Variants in B3GAT2 observed in about 807,000 individuals in gnomAD.
B3GAT2 encodes the protein beta-1,3-glucuronyltransferase 2.
B3GAT2 carries 26 observed loss-of-function variants against 27.8 expected under a neutral mutation model. That is an observed-to-expected ratio of 0.93 (90% CI 0.68 to 1.30). B3GAT2 has a LOEUF of 1.30. Among genes scored for constraint, B3GAT2 ranks in the 50% most tolerant of loss-of-function variants. The pLI is 0.00. For synonymous variants in B3GAT2, 218 were observed against 195.1 expected (o/e 1.12, Z -0.98); for missense variants, 458 against 459.0 (o/e 1.00, Z 0.02).
At chr6:70,936,302 T>C (rs1765279859) in intron 1 of B3GAT2, among the ~76,000 whole-genome samples, 2 of 151,942 alleles carry the variant, frequency 1.3e-5, no homozygotes, top group Admixed American at 1.3e-4. Context: ...ACAATAATAA[T>C]GGGAGACTTT....
At chr6:70,878,677 T>C (rs1179942551) in intron 2 of B3GAT2, among the ~76,000 whole-genome samples, 3 of 152,104 alleles carry the variant, frequency 2.0e-5, no homozygotes, top group African/African-American at 7.2e-5. Context: ...TTTTTTGCTT[T>C]TTTCCCTTCT....
At chr6:70,934,062 G>GA (rs1773101881) in intron 1 of B3GAT2, among the ~76,000 whole-genome samples, 1 of 152,052 alleles carries the variant, frequency 6.6e-6, no homozygotes, top group Admixed American at 6.5e-5. Context: ...AGTAAAAAAT[G>GA]AAAAAAGCAC....
intron 1 of B3GAT2, among the ~76,000 whole-genome samples, chr6:70,910,019 G>A (rs1341276638): frequency 1.3e-5 from 2 of 150,128 alleles, no homozygotes; most frequent in Non-Finnish European, 3.0e-5. Flanking sequence ...GACTGCAAAA[G>A]CCCACCACCA....
intron 1 of B3GAT2, among the ~76,000 whole-genome samples, chr6:70,902,752 A>G (rs1772528158): frequency 6.6e-6 from 1 of 151,884 alleles, no homozygotes. Flanking sequence ...ACATAAAAAA[A>G]CTGGGAAGAC....
intron 2 of B3GAT2, among the ~76,000 whole-genome samples, chr6:70,887,866 G>A (rs1029090327): frequency 1.3e-5 from 2 of 152,194 alleles, no homozygotes; most frequent in Non-Finnish European, 2.9e-5. Context: ...AGGGTAGAAT[G>A]TGCTGGAGGA....
At chr6:70,953,951 T>C (rs1481578804) in intron 1 of B3GAT2, among the ~76,000 whole-genome samples, 1 of 152,236 alleles carries the variant, frequency 6.6e-6, no homozygotes, top group Non-Finnish European at 1.5e-5. Context: ...GGCTGTGTCC[T>C]GAATCATTTC....
Position 70,936,972 on chromosome 6 carries a change from A to T in B3GAT2, c.591+18867T>A, listed in dbSNP as rs1424216985. 7.8e-3 allele frequency among the ~76,000 whole-genome samples: 1,185 copies of T among 151,890 alleles called. 7 individuals carry two copies. The highest frequency in any genetic ancestry group is 0.012 in the African/African-American group (511 of 41,396). Reference sequence around the variant, plus strand: ...AAATTAATGAATCCAGGAGCTGGTTATTTGAAAGGATCAACAAAATTGATA... The same window carrying T: ...AAATTAATGAATCCAGGAGCTGGTTTTTTGAAAGGATCAACAAAATTGATA... On this transcript the variant is annotated intron_variant, in intron 1 of 3. Transcript: ENST00000230053.
chr6:70,892,030 A>C (rs564945069), intron 2 of B3GAT2, among the ~76,000 whole-genome samples: 1 of 152,342 alleles, frequency 6.6e-6, no homozygotes, highest in South Asian at 2.1e-4. Flanking sequence ...AAGCAAGTTC[A>C]TGTGTGAAGT....
chr6:70,899,777 G>A (rs548188090), intron 1 of B3GAT2, among the ~76,000 whole-genome samples: 2 of 152,230 alleles, frequency 1.3e-5, no homozygotes, highest in East Asian at 1.9e-4. Flanking sequence ...TTTGTTCTGT[G>A]TCATTTTCAC....
chr6:70,949,996 T>C (rs1362888898), intron 1 of B3GAT2, among the ~76,000 whole-genome samples: 2 of 151,400 alleles, frequency 1.3e-5, no homozygotes, highest in East Asian at 1.9e-4. Flanking sequence ...TAGATGGGAA[T>C]TGAACAATGA....
intron 2 of B3GAT2, among the ~76,000 whole-genome samples, chr6:70,892,863 C>A (rs1308640500): frequency 1.3e-5 from 2 of 152,140 alleles, no homozygotes; most frequent in Non-Finnish European, 1.5e-5. Context: ...TCCTCAGGAC[C>A]GTCCAAGATG....
intron 1 of B3GAT2, among the ~76,000 whole-genome samples, chr6:70,934,978 C>T (rs1319855271): frequency 6.6e-6 from 1 of 152,110 alleles, no homozygotes; most frequent in Non-Finnish European, 1.5e-5. Context: ...AGTCCTGAAG[C>T]TTTTCTAAGA....
intron 1 of B3GAT2, among the ~76,000 whole-genome samples, chr6:70,944,870 CA>C (rs1283149933): frequency 6.6e-6 from 1 of 152,140 alleles, no homozygotes; most frequent in East Asian, 1.9e-4. Flanking sequence ...TCCTCTGAGA[CA>C]AAACTTCCAG....
chr6:70,888,987 G>C (rs1189933658), intron 2 of B3GAT2, among the ~76,000 whole-genome samples: 1 of 152,162 alleles, frequency 6.6e-6, no homozygotes, highest in African/African-American at 2.4e-5. Context: ...TGCTCTTGTA[G>C]ACATTCTCTC....
rs1765648156 is a variant in B3GAT2 at position 70,955,956 on chromosome 6, C to T, written c.474G>A (p.Glu158=). 2.0e-6 allele frequency: 3 copies of T among 1,521,216 alleles called. No homozygotes were observed. The highest frequency in any genetic ancestry group is 2.6e-6 in the Non-Finnish European group (3 of 1,140,540). The allele number at this position is 1,521,216 out of a possible 1,614,324, so 94.2% of individuals were successfully genotyped here. The change falls in exon 1 of 4, where the codon GAG becomes GAA. Residue 158 remains glutamate (E), a synonymous_variant. Coordinates refer to ENST00000230053, the MANE Select transcript of B3GAT2 (RefSeq NM_080742.3). ...YKRPGLPRAT[E]QRNAGLAWLR... ...GCCAGGCGAGGCCCGCGTTGCGCTGCTCAGTGGCGCGCGGCAGCCCGGGCC... is the reference window on the plus strand; with the variant it reads ...GCCAGGCGAGGCCCGCGTTGCGCTGTTCAGTGGCGCGCGGCAGCCCGGGCC...
At chr6:70,918,738 C>T (rs2150041345) in intron 1 of B3GAT2, among the ~76,000 whole-genome samples, 1 of 152,304 alleles carries the variant, frequency 6.6e-6, no homozygotes, top group Middle Eastern at 3.4e-3. Context: ...TCTCTTCTGG[C>T]TTGTAGTGTT....
In B3GAT2 at chr6:70,856,894, T is replaced by C. The variant is rs1771447494; in HGVS notation, c.*4769A>G. On this transcript the variant is annotated 3_prime_UTR_variant, in exon 4 of 4. Coordinates refer to ENST00000230053, the MANE Select transcript of B3GAT2 (RefSeq NM_080742.3). ...CTGCACCAGCAGCTGCAACCCTGTC[T>C]ACAGTAACATCTGGGGATCTAGATT... 6.2e-7 allele frequency: 1 copy of C among 1,613,682 alleles called. No individual in the cohort carries two copies. Among genetic ancestry groups the C allele is most frequent in the Non-Finnish European group, 8.5e-7 (1 of 1,179,786 alleles).
intron 2 of B3GAT2, among the ~76,000 whole-genome samples, chr6:70,867,900 A>T (rs1771876602): frequency 6.6e-6 from 1 of 152,148 alleles, no homozygotes; most frequent in Non-Finnish European, 1.5e-5. Context: ...ATCACAGAAA[A>T]ATTCTCAAAA....
At chr6:70,876,131 C>T (rs1772010195) in intron 2 of B3GAT2, among the ~76,000 whole-genome samples, 1 of 152,164 alleles carries the variant, frequency 6.6e-6, no homozygotes, top group Admixed American at 6.5e-5. Context: ...ACATGCTTGA[C>T]ATGGCCTGGG....
Sources: gnomAD v4.1 joint callset for allele counts (sites outside exome capture counted in the v4.1 genomes callset) on GRCh38, gnomAD v4.1.1 for gene constraint, MANE v1.5 for transcripts, NCBI Gene and HGNC (gene_info 2026-07-23, HGNC 2026-07-21) for gene names.